The following ADGRE3 variants were observed in gnomAD, a reference collection of about 807,000 sequenced individuals.
ADGRE3 encodes adhesion G protein-coupled receptor E3, also known as EGF-like module receptor 3.
Under a neutral mutation model 80.1 loss-of-function variants are expected in ADGRE3, and 88 were observed. The observed-to-expected ratio is 1.10, with a 90% CI of 0.93 to 1.31. ADGRE3 has a LOEUF of 1.31. Among genes scored for constraint, ADGRE3 ranks in the 40% most tolerant of loss-of-function variants. The pLI, the probability that ADGRE3 is intolerant of heterozygous loss-of-function variation, is 0.00. For synonymous variants in ADGRE3, 281 were observed against 294.8 expected (o/e 0.95, Z 0.48); for missense variants, 715 against 776.5 (o/e 0.92, Z 0.94).
the ADGRE3 span, among the ~76,000 whole-genome samples, chr19:14,611,431 G>A: frequency 7.3e-6 from 1 of 137,350 alleles, no homozygotes; most frequent in Non-Finnish European, 1.5e-5. Flanking sequence ...AGGCTGGAGT[G>A]CAGTGGCACA....
intron 2 of ADGRE3, 32 bp from the exon 3 acceptor site, chr19:14,663,572 C>G: frequency 6.2e-7 from 1 of 1,600,052 alleles, no homozygotes; most frequent in South Asian, 1.1e-5. Flanking sequence ...GTTAAATGGA[C>G]TGGGGTCACA....
chr19:14,606,315 C>G, the ADGRE3 span, among the ~76,000 whole-genome samples: 1 of 149,444 alleles, frequency 6.7e-6, no homozygotes, highest in Admixed American at 6.8e-5. Flanking sequence ...TTGGGACATG[C>G]AGTGAGCCAT....
chr19:14,616,866 C>T (rs2075077874), downstream of ADGRE3, among the ~76,000 whole-genome samples: 1 of 149,800 alleles, frequency 6.7e-6, no homozygotes, highest in African/African-American at 2.5e-5. Flanking sequence ...GCAATCTCGG[C>T]TCACCGCAAC....
intron 6 of ADGRE3, among the ~76,000 whole-genome samples, chr19:14,653,935 C>CTG (rs1333750907): frequency 4.8e-5 from 6 of 124,490 alleles, no homozygotes; most frequent in African/African-American, 2.0e-4. Flanking sequence ...TCAAAGCCTG[C>CTG]TGTGTGTGTG....
chr19:14,633,327 C>T, intron 11 of ADGRE3, 25 bp from the exon 12 acceptor site: 1 of 1,576,088 alleles, frequency 6.3e-7, no homozygotes, highest in African/African-American at 1.3e-5. Context: ...AAAAGAGATA[C>T]AAAGAGAGAT....
chr19:14,615,805 C>A (rs1387573385), downstream of ADGRE3, among the ~76,000 whole-genome samples: 2 of 151,548 alleles, frequency 1.3e-5, no homozygotes, highest in Non-Finnish European at 2.9e-5. Context: ...TGTTGCCCAA[C>A]CTAGAGTGCA....
downstream of ADGRE3, among the ~76,000 whole-genome samples, chr19:14,617,341 C>CTTTCTTTCTTTCTTT (rs1599593839): frequency 1.4e-3 from 81 of 57,262 alleles, 1 homozygote; most frequent in Middle Eastern, 0.017. Flanking sequence ...TCCCTCCCTC[C>CTTTCTTTCTTTCTTT]CTTTCTTTCT....
At chr19:14,638,393 C>G in intron 10 of ADGRE3, 53 bp from the exon 11 acceptor site, 1 of 1,359,726 alleles carries the variant, frequency 7.4e-7, no homozygotes, top group South Asian at 1.2e-5. Context: ...GAGTATGGCC[C>G]TAGGACCTCT....
downstream of ADGRE3, among the ~76,000 whole-genome samples, chr19:14,614,632 A>C (rs1463084973): frequency 6.6e-6 from 1 of 150,648 alleles, no homozygotes; most frequent in East Asian, 1.9e-4. Context: ...GCTGGAGTGC[A>C]GTGGTGTGAT....
At chr19:14,619,992 C>T (rs1248135918) in intron 15 of ADGRE3, among the ~76,000 whole-genome samples, 1 of 152,150 alleles carries the variant, frequency 6.6e-6, no homozygotes, top group African/African-American at 2.4e-5. Context: ...GTTACATCTT[C>T]CTTCCTGGTA....
intron 11 of ADGRE3, among the ~76,000 whole-genome samples, chr19:14,637,360 T>A (rs895132652): frequency 1.3e-5 from 2 of 151,478 alleles, no homozygotes; most frequent in African/African-American, 2.4e-5. Flanking sequence ...TCTTCTCTCA[T>A]CTTCTCGCTT....
chr19:14,667,449 A>G (rs1407799862), intron 2 of ADGRE3, among the ~76,000 whole-genome samples: 1 of 152,070 alleles, frequency 6.6e-6, no homozygotes, highest in Non-Finnish European at 1.5e-5. Flanking sequence ...CCAAATGTCC[A>G]TCAGTGATAG....
At chr19:14,611,864 C>T in the ADGRE3 span, among the ~76,000 whole-genome samples, 746 of 152,064 alleles carry the variant, frequency 4.9e-3, 7 homozygotes, top group African/African-American at 0.017. Flanking sequence ...ATTAGCTGGG[C>T]GTGGTGGCAT....
At chr19:14,665,764 A>T (rs956624980) in intron 2 of ADGRE3, among the ~76,000 whole-genome samples, 2 of 151,556 alleles carry the variant, frequency 1.3e-5, no homozygotes, top group African/African-American at 4.8e-5. Context: ...AAGCACTGGG[A>T]TTACAGGTGT....
intron 4 of ADGRE3, among the ~76,000 whole-genome samples, chr19:14,660,782 G>A (rs920104057): frequency 4.0e-5 from 6 of 151,838 alleles, no homozygotes; most frequent in African/African-American, 4.8e-5. Context: ...CCCTGGACAC[G>A]GATCCACGGG....
intron 6 of ADGRE3, among the ~76,000 whole-genome samples, chr19:14,653,120 T>A (rs1450055486): frequency 6.6e-6 from 1 of 151,716 alleles, no homozygotes; most frequent in African/African-American, 2.4e-5. Flanking sequence ...GTAGCTGGGA[T>A]TACAGGCATG....
At chr19:14,612,590 C>G in the ADGRE3 span, among the ~76,000 whole-genome samples, 1 of 152,154 alleles carries the variant, frequency 6.6e-6, no homozygotes, top group Non-Finnish European at 1.5e-5. Flanking sequence ...CCACCTTGGT[C>G]CCCCAAAGTG....
chr19:14,659,244 T>C (rs1477538117), intron 4 of ADGRE3, among the ~76,000 whole-genome samples: 12 of 150,570 alleles, frequency 8.0e-5, no homozygotes, highest in African/African-American at 1.7e-4. Flanking sequence ...GGTTTCGCCA[T>C]GTTGGCCAGG....
chr19:14,601,060 G>A, the ADGRE3 span, among the ~76,000 whole-genome samples: 42 of 151,874 alleles, frequency 2.8e-4, no homozygotes, highest in East Asian at 2.3e-3. Context: ...GTGCCACCAC[G>A]CCTGGCTAAC....
Sources: gnomAD v4.1 joint callset for allele counts (sites outside exome capture counted in the v4.1 genomes callset) on GRCh38, gnomAD v4.1.1 for gene constraint, MANE v1.5 for transcripts, NCBI Gene and HGNC (gene_info 2026-07-23, HGNC 2026-07-21) for gene names.